The following PCDHGA12 variants were observed in gnomAD, a reference collection of about 807,000 sequenced individuals.
PCDHGA12 encodes the protein protocadherin gamma subfamily A, 12.
In PCDHGA12, 43 loss-of-function variants were observed where a neutral mutation model predicts 61.1. The ratio of observed to expected loss-of-function variants is 0.70; its 90% CI spans 0.55 to 0.91. The LOEUF (loss-of-function observed/expected upper bound fraction) is 0.91, where lower values mean the gene tolerates loss of function less well. PCDHGA12 is among the 40% of genes least tolerant of loss of function. PCDHGA12 has a pLI of 0.00. For synonymous variants in PCDHGA12, 520 were observed against 542.9 expected (o/e 0.96, Z 0.59); for missense variants, 1,236 against 1,227.7 (o/e 1.01, Z -0.10).
At chr5:141,501,308 C>T (rs1220463692) in intron 2 of PCDHGA12, among the ~76,000 whole-genome samples, 2 of 151,492 alleles carry the variant, frequency 1.3e-5, no homozygotes, top group African/African-American at 2.4e-5. Context: ...CACACACACA[C>T]ACACACACAC....
In PCDHGA12 at chr5:141,490,072, G is replaced by A; in HGVS notation, c.2425-4735G>A. On this transcript the variant is annotated intron_variant, in intron 1 of 3. Transcript: ENST00000252085. This position sits in a 1 kb window ranked among gnomAD's most constrained non-coding sequence, Gnocchi z 5.4. ...AGACGAGGGCACCAACGGCCAACTA[G>A]ACTATTCTTTTGGAGACCACACATC... is the stretch of plus-strand genomic sequence containing the variant. The A allele has an allele frequency of 6.2e-7, 1 of 1,614,254 alleles. No homozygotes were observed. The highest frequency in any genetic ancestry group is 8.5e-7 in the Non-Finnish European group (1 of 1,180,042).
At position 141,486,827 on chromosome 5, in the gene PCDHGA12, C is replaced by G. The variant is rs758132181; in HGVS notation, c.2425-7980C>G. 1.2e-6 allele frequency: 2 copies of G among 1,614,228 alleles called. No homozygotes were observed. Among genetic ancestry groups the G allele is most frequent in the Admixed American group, 1.7e-5 (1 of 60,034 alleles). On this transcript the variant is annotated intron_variant, in intron 1 of 3. Transcript: ENST00000252085. This position sits in a 1 kb window ranked among gnomAD's most constrained non-coding sequence, Gnocchi z 5.0. ...ACCCCTTAGCAGCACTGTAACAGTTCGTCTATTTGTGCTGGACCTCAATGA... is the reference window on the plus strand; with the variant it reads ...ACCCCTTAGCAGCACTGTAACAGTTGGTCTATTTGTGCTGGACCTCAATGA...
Position 141,433,084 on chromosome 5 carries a change from T to G in PCDHGA12, c.2325T>G (p.Tyr775Ter). The part of the protein sequence containing the change: ...KSHLIFPQPN[Y>*]ADMLVSQESF... ...ACCTGATCTTCCCCCAGCCCAACTA[T>G]GCAGACATGCTCGTCAGCCAGGAGA... Residue 775 changes from tyrosine (Y) to a stop codon, truncating the protein, a stop_gained, in exon 1 of 4, where the codon TAT (tyrosine) becomes TAG (stop). Coordinates refer to ENST00000252085, the MANE Select transcript of PCDHGA12 (RefSeq NM_003735.3). LOFTEE classifies it high-confidence loss of function. The G allele has an allele frequency of 6.2e-7, 1 of 1,614,184 alleles. No individual in the cohort carries two copies. Among genetic ancestry groups the G allele is most frequent in the Non-Finnish European group, 8.5e-7 (1 of 1,180,022 alleles).
chr5:141,490,215 G>C lies in PCDHGA12; in HGVS notation c.2425-4592G>C. 6.2e-7 allele frequency: 1 copy of C among 1,614,254 alleles called. No individual in the cohort carries two copies. Among genetic ancestry groups the C allele is most frequent in the African/African-American group, 1.3e-5 (1 of 75,078 alleles). On this transcript the variant is annotated intron_variant, in intron 1 of 3. Coordinates refer to ENST00000252085, the MANE Select transcript of PCDHGA12 (RefSeq NM_003735.3). The surrounding 1 kb of genome is among the most constrained non-coding windows in gnomAD (Gnocchi z 5.4). ...AAATTCATGCAAGAGCCCGTGACCA[G>C]GGACAGCCTGCCATGGAGGGCCACT... is the stretch of plus-strand genomic sequence containing the variant.
At chr5:141,509,599 A>G (rs964564148) in intron 3 of PCDHGA12, among the ~76,000 whole-genome samples, 6 of 152,158 alleles carry the variant, frequency 3.9e-5, no homozygotes, top group African/African-American at 1.4e-4. Context: ...CAATTCCGAG[A>G]GGCTGCATTC....
At chr5:141,474,041 GC>G (rs1242668125) in intron 1 of PCDHGA12, among the ~76,000 whole-genome samples, 3 of 152,140 alleles carry the variant, frequency 2.0e-5, no homozygotes. Context: ...CTGTACTCCA[GC>G]CTGGATGACA....
rs199698737 is a variant in PCDHGA12, at chr5:141,438,639, C to T, written c.2424+5456C>T. On this transcript the variant is annotated intron_variant, in intron 1 of 3. Transcript: ENST00000252085. ...ATATATATATATATATATATATACA[C>T]ACACACACACACATATATGTATATA... 7.1e-3 allele frequency among the ~76,000 whole-genome samples: 359 copies of T among 50,816 alleles called. 1 individual carries two copies. Among genetic ancestry groups the T allele is most frequent in the South Asian group, 0.017 (27 of 1,588 alleles). The allele number at this position is 50,816 out of a possible 152,430, so 33.3% of individuals were successfully genotyped here.
intron 1 of PCDHGA12, among the ~76,000 whole-genome samples, chr5:141,456,780 T>A (rs1392367637): frequency 1.3e-5 from 2 of 152,000 alleles, no homozygotes; most frequent in Non-Finnish European, 2.9e-5. Flanking sequence ...CTGGCCTACA[T>A]GGCAAAACCC....
In PCDHGA12 at chr5:141,486,499, C is replaced by G. The variant is rs1487201957; in HGVS notation, c.2425-8308C>G. 2 of 1,614,010 alleles carry G rather than the reference C, an allele frequency of 1.2e-6. No homozygotes were observed. Among genetic ancestry groups the G allele is most frequent in the Non-Finnish European group, 1.7e-6 (2 of 1,179,874 alleles). On this transcript the variant is annotated intron_variant, in intron 1 of 3. Coordinates refer to ENST00000252085, the MANE Select transcript of PCDHGA12 (RefSeq NM_003735.3). This position sits in a 1 kb window ranked among gnomAD's most constrained non-coding sequence, Gnocchi z 5.0. ...CTCTCAGTACCCACAGAACTATTTT[C>G]CTCAATATTTCAGATGTGAATGATA...
rs181806844 is a variant in PCDHGA12 at position 141,445,046 on chromosome 5, G to T, written c.2424+11863G>T. Among the ~76,000 whole-genome samples the T allele has an allele frequency of 1.2e-4, 19 of 152,248 alleles. No individual in the cohort carries two copies. The East Asian group carries it at 3.7e-3, about 29-fold the overall frequency. ...TCAGCTATGTTGTATAGTTTTCAGT[G>T]TAGAGAGGTCATGTATATTTCTCAT... On this transcript the variant is annotated intron_variant, in intron 1 of 3. Transcript: ENST00000252085.
intron 1 of PCDHGA12, among the ~76,000 whole-genome samples, chr5:141,447,688 G>A (rs188511217): frequency 1.4e-4 from 22 of 152,258 alleles, no homozygotes; most frequent in African/African-American, 4.3e-4. Context: ...TATCTTGATA[G>A]AGGGATGGGT....
chr5:141,473,479 G>GA (rs150184379), intron 1 of PCDHGA12, among the ~76,000 whole-genome samples: 6,877 of 152,218 alleles, frequency 0.045, 184 homozygotes, highest in Middle Eastern at 0.088. Flanking sequence ...AAGTTCAATG[G>GA]AAAAAATATA....
chr5:141,447,979 G>A (rs888759756), intron 1 of PCDHGA12, among the ~76,000 whole-genome samples: 15 of 151,814 alleles, frequency 9.9e-5, no homozygotes, highest in Admixed American at 5.9e-4. Context: ...CCAGCTACTC[G>A]GGAGGCTGAG....
rs754547223 is a variant in PCDHGA12 at position 141,511,148 on chromosome 5, AGTC to A, written c.2776_2778del (p.Ser926del). The A allele has an allele frequency of 7.4e-6, 12 of 1,614,202 alleles. No individual in the cohort carries two copies. The highest frequency in any genetic ancestry group is 1.0e-5 in the Non-Finnish European group (12 of 1,180,016). ...GCAGGTGGCAATGGCAACAAGAAGA[AGTC>A]GGGCAAGAAGGAGAAGAAGTAACAT... On this transcript the variant is annotated inframe_deletion, in exon 4 of 4. Coordinates refer to ENST00000252085, the MANE Select transcript of PCDHGA12 (RefSeq NM_003735.3).
At position 141,477,761 on chromosome 5, in the gene PCDHGA12, AC is replaced by A. The variant is rs754006143; in HGVS notation, c.2425-17044del. ...CGATGGGGGCACCCCGGTCCTAGCC[AC>A]CAACATCAGCGTGAACATATTTGTC... On this transcript the variant is annotated intron_variant, in intron 1 of 3. Coordinates refer to ENST00000252085, the MANE Select transcript of PCDHGA12 (RefSeq NM_003735.3). This position sits in a 1 kb window ranked among gnomAD's most constrained non-coding sequence, Gnocchi z 4.9. 5 of 1,613,854 alleles carry A rather than the reference AC, an allele frequency of 3.1e-6. No homozygotes were observed. Among genetic ancestry groups the A allele is most frequent in the Non-Finnish European group, 4.2e-6 (5 of 1,180,044 alleles).
intron 3 of PCDHGA12, among the ~76,000 whole-genome samples, chr5:141,508,624 G>A (rs552418899): frequency 3.3e-5 from 5 of 152,256 alleles, no homozygotes; most frequent in African/African-American, 9.6e-5. Context: ...TGGGTGGGCC[G>A]AGCTTCTAGC....
Position 141,432,667 on chromosome 5 carries a change from C to T in PCDHGA12, c.1908C>T (p.Asp636=), listed in dbSNP as rs1312138743. ...CGGCGCGAGCCCTGCTGGACAGAGACGCGCTCAAGCAGAGCCTCGTAGTGG... is the reference window on the plus strand; with the variant it reads ...CGGCGCGAGCCCTGCTGGACAGAGATGCGCTCAAGCAGAGCCTCGTAGTGG... ...VRTARALLDR[D]ALKQSLVVAV... Residue 636 remains aspartate, a synonymous_variant, in exon 1 of 4, where the codon GAC becomes GAT. Transcript: ENST00000252085. This position sits in a 1 kb window ranked among gnomAD's most constrained non-coding sequence, Gnocchi z 6.0. The T allele has an allele frequency of 1.2e-6, 2 of 1,613,876 alleles. No individual in the cohort carries two copies. The highest frequency in any genetic ancestry group is 1.1e-5 in the South Asian group (1 of 91,066).
intron 2 of PCDHGA12, among the ~76,000 whole-genome samples, 170 bp from the exon 3 acceptor site, chr5:141,505,223 A>G (rs746167057): frequency 1.9e-4 from 29 of 152,176 alleles, no homozygotes; most frequent in Admixed American, 6.5e-5. Flanking sequence ...GACTTGTGGG[A>G]TTCTGGCTTC....
At chr5:141,441,087 TGACA>T (rs1168679217) in intron 1 of PCDHGA12, 1 of 152,174 alleles carries the variant, frequency 6.6e-6, no homozygotes, top group Non-Finnish European at 1.5e-5. Flanking sequence ...TGGTAGCAAG[TGACA>T]GAGAGGGACT....
Sources: allele counts gnomAD v4.1 joint callset (sites outside exome capture counted in the v4.1 genomes callset), GRCh38; gene constraint gnomAD v4.1.1; non-coding constraint Gnocchi (gnomAD v3.1); transcripts MANE v1.5; gene names NCBI Gene and HGNC (gene_info 2026-07-23, HGNC 2026-07-21).